The following TEX11 variants were observed in gnomAD, a reference collection of about 807,000 sequenced individuals.
TEX11 encodes the protein testis-expressed protein 11.
A neutral mutation model predicts 84.4 loss-of-function variants in TEX11; 7 were observed. The observed-to-expected ratio is 0.08, with a 90% CI of 0.05 to 0.16. The LOEUF (loss-of-function observed/expected upper bound fraction) is 0.16, where lower values mean the gene tolerates loss of function less well. TEX11 is among the 10% of genes least tolerant of loss of function. TEX11 has a pLI of 1.00. For synonymous variants in TEX11, 264 were observed against 222.8 expected, an observed-to-expected ratio of 1.18 and a Z score of -1.64; for missense variants, 551 against 660.5, an observed-to-expected ratio of 0.83 and a Z score of 1.82.
the TEX11 span, among the ~76,000 whole-genome samples, chrX:70,521,500 C>T: frequency 4.5e-5 from 5 of 111,572 alleles, no homozygotes; most frequent in Non-Finnish European, 7.5e-5. Flanking sequence ...TCATCTCGAA[C>T]TCCTGACCTC....
chrX:70,782,379 G>C (rs2091045131), intron 9 of TEX11, among the ~76,000 whole-genome samples: 2 of 110,945 alleles, frequency 1.8e-5, no homozygotes, highest in Admixed American at 1.9e-4. Context: ...AAATTGTAAA[G>C]ACCATCGATG....
At chrX:70,756,298 G>A (rs1334737359) in intron 9 of TEX11, among the ~76,000 whole-genome samples, 1 of 112,250 alleles carries the variant, frequency 8.9e-6, no homozygotes, top group Non-Finnish European at 1.9e-5. Context: ...CAGAGAACGG[G>A]CAGACTGCCT....
At chrX:70,864,581 C>CA (rs753936100) in intron 4 of TEX11, among the ~76,000 whole-genome samples, 2,439 of 98,911 alleles carry the variant, frequency 0.025, 35 homozygotes, top group East Asian at 0.036. Flanking sequence ...ACTAAAAATA[C>CA]AAAAAAAAAA....
chrX:70,607,046 AATAAC>A lies in TEX11; in HGVS notation c.1880-22_1880-18del, dbSNP rs2089202920. 8.9e-7 allele frequency: 1 copy of A among 1,127,167 alleles called. No individual in the cohort carries two copies. Among genetic ancestry groups the A allele is most frequent in the East Asian group, 3.0e-5 (1 of 33,242 alleles). 92.9% of individuals were successfully genotyped at this position (1,127,167 alleles called of 1,213,427 possible). A position where few individuals can be genotyped will look rare whatever the true frequency, so the allele number is the denominator to read the frequency against. The stretch of plus-strand genomic sequence containing the variant: ...AGTTCCAAGCTGGAAATTAACATGA[AATAAC>A]ATAATAATATGAAATTATGAAAATC... On this transcript the variant is annotated intron_variant, in intron 22 of 29. Transcript: ENST00000374333.
intron 9 of TEX11, among the ~76,000 whole-genome samples, chrX:70,806,332 T>G (rs928691475): frequency 1.8e-5 from 2 of 110,880 alleles, no homozygotes; most frequent in Non-Finnish European, 3.8e-5. Flanking sequence ...GGCACATGCC[T>G]GTGGTCCCAG....
intron 25 of TEX11, among the ~76,000 whole-genome samples, chrX:70,565,910 C>T (rs1400262316): frequency 3.6e-5 from 4 of 110,398 alleles, no homozygotes; most frequent in African/African-American, 1.3e-4. Flanking sequence ...TCCATATGAA[C>T]TTTAAAGTAG....
intron 9 of TEX11, among the ~76,000 whole-genome samples, chrX:70,770,408 A>G (rs770157596): frequency 9.0e-6 from 1 of 111,726 alleles, no homozygotes; most frequent in African/African-American, 3.2e-5. Context: ...TAGTTCTTTT[A>G]AATGCAGTAT....
chrX:70,724,124 T>C, intron 12 of TEX11: 1 of 752,985 alleles, frequency 1.3e-6, no homozygotes, highest in Non-Finnish European at 1.6e-6. Context: ...ACTAATGTAC[T>C]TCAACTTGGT....
At chrX:70,659,120 T>C (rs1368157977) in intron 16 of TEX11, among the ~76,000 whole-genome samples, 2 of 111,983 alleles carry the variant, frequency 1.8e-5, no homozygotes, top group African/African-American at 6.5e-5. Context: ...AGAAAACACA[T>C]GCGAAAATCT....
intron 16 of TEX11, among the ~76,000 whole-genome samples, chrX:70,658,315 G>T (rs1300367736): frequency 9.0e-6 from 1 of 111,098 alleles, no homozygotes. Flanking sequence ...TACTCGGGAG[G>T]CTGAGGGAGG....
At position 70,788,936 on chromosome X, in the gene TEX11, T is replaced by TTA. The variant is rs1221493254; in HGVS notation, c.692+17767_692+17768dup. ...TCCATATATCCAGTAAGGGTTTTGATTATATATATATATATATATATATAT... is the reference window on the plus strand; with the variant it reads ...TCCATATATCCAGTAAGGGTTTTGATTATATATATATATATATATATATATAT... On this transcript the variant is annotated intron_variant, in intron 9 of 29. Transcript: ENST00000374333. Among the ~76,000 whole-genome samples, 110 of 18,153 alleles carry TTA rather than the reference T, an allele frequency of 6.1e-3. 2 individuals carry two copies. Among genetic ancestry groups the TTA allele is most frequent in the East Asian group, 7.4e-3 (2 of 272 alleles). 15.8% of individuals were successfully genotyped at this position (18,153 alleles called of 115,157 possible).
chrX:70,738,001 A>C (rs1477708426), intron 11 of TEX11, among the ~76,000 whole-genome samples: 1 of 111,957 alleles, frequency 8.9e-6, no homozygotes, highest in Non-Finnish European at 1.9e-5. Flanking sequence ...AAAACCCTAG[A>C]AGAAAACTTA....
intron 13 of TEX11, among the ~76,000 whole-genome samples, chrX:70,719,493 T>C (rs1241103501): frequency 9.0e-6 from 1 of 111,681 alleles, no homozygotes; most frequent in African/African-American, 3.3e-5. Flanking sequence ...CCAAAAACAA[T>C]GGCAACAAAA....
chrX:70,609,768 T>C (rs2089237515), intron 21 of TEX11, among the ~76,000 whole-genome samples: 1 of 111,848 alleles, frequency 8.9e-6, no homozygotes, highest in Admixed American at 9.5e-5. Flanking sequence ...ATTTCTAAGA[T>C]ATGAACTTTT....
intron 9 of TEX11, among the ~76,000 whole-genome samples, chrX:70,788,979 G>T (rs375121680): frequency 0.016 from 508 of 32,484 alleles, no homozygotes; most frequent in African/African-American, 0.033. Flanking sequence ...TATATAGAGA[G>T]AGAGAGAGAG....
In TEX11 at chrX:70,763,523, A is replaced by G. The variant is rs977716735; in HGVS notation, c.693-19304T>C. 3.4e-4 allele frequency among the ~76,000 whole-genome samples: 38 copies of G among 110,633 alleles called. 1 individual carries two copies. Among genetic ancestry groups the G allele is most frequent in the Non-Finnish European group, 6.4e-4 (34 of 52,850 alleles). The stretch of plus-strand genomic sequence containing the variant: ...CACTGCTTAGGTGTCGGGTATGCCA[A>G]AATCTCAGAAAAAACACTAAAGAAC... On this transcript the variant is annotated intron_variant, in intron 9 of 29. Coordinates refer to ENST00000374333, the MANE Select transcript of TEX11 (RefSeq NM_031276.3).
intron 28 of TEX11, among the ~76,000 whole-genome samples, chrX:70,542,952 T>C (rs947810849): frequency 1.8e-5 from 2 of 111,186 alleles, no homozygotes; most frequent in African/African-American, 3.3e-5. Flanking sequence ...GAGGCCGAGG[T>C]GGGCGGATCA....
intron 7 of TEX11, among the ~76,000 whole-genome samples, chrX:70,835,736 G>A (rs1346217523): frequency 2.7e-5 from 3 of 112,018 alleles, no homozygotes; most frequent in Non-Finnish European, 5.6e-5. Flanking sequence ...ATTTTTATGA[G>A]GATCAAATGG....
chrX:70,840,493 A>G (rs2091436109), intron 7 of TEX11, among the ~76,000 whole-genome samples: 1 of 112,020 alleles, frequency 8.9e-6, no homozygotes, highest in Non-Finnish European at 1.9e-5. Context: ...TAAACATGGA[A>G]AGGAACAACT....
Sources: gnomAD v4.1 joint callset for allele counts (sites outside exome capture counted in the v4.1 genomes callset) on GRCh38, gnomAD v4.1.1 for gene constraint, MANE v1.5 for transcripts, NCBI Gene and HGNC (gene_info 2026-07-23, HGNC 2026-07-21) for gene names.